GOLGA4: variants seen among roughly 807,000 people sequenced by gnomAD.
GOLGA4 encodes golgin A4.
Under a neutral mutation model 265.9 loss-of-function variants are expected in GOLGA4, and 169 were observed. The ratio of observed to expected loss-of-function variants is 0.64; its 90% confidence interval spans 0.56 to 0.72. GOLGA4 has a LOEUF of 0.72. GOLGA4 is among the 30% of genes least tolerant of loss of function. The pLI, the probability that GOLGA4 is intolerant of heterozygous loss-of-function variation, is 0.00. For synonymous variants in GOLGA4, 923 were observed against 855.8 expected (o/e 1.08, Z -1.37); for missense variants, 2,482 against 2,483.4 (o/e 1.00, Z 0.01).
chr3:37,280,310 T>C (rs1452430397), intron 2 of GOLGA4, among the ~76,000 whole-genome samples: 5 of 152,210 alleles, frequency 3.3e-5, no homozygotes, highest in African/African-American at 1.2e-4. Context: ...CAGACAACCA[T>C]AGATTGTATT....
intron 2 of GOLGA4, among the ~76,000 whole-genome samples, chr3:37,257,382 A>C (rs948215891): frequency 1.3e-5 from 2 of 152,124 alleles, no homozygotes; most frequent in Non-Finnish European, 2.9e-5. Flanking sequence ...GGATCAGCCC[A>C]AGTTTACATC....
At chr3:37,270,914 G>A (rs1489382085) in intron 2 of GOLGA4, among the ~76,000 whole-genome samples, 1 of 151,874 alleles carries the variant, frequency 6.6e-6, no homozygotes, top group African/African-American at 2.4e-5. Flanking sequence ...GAATCAGTGG[G>A]AGCCCTGAGC....
intron 17 of GOLGA4, among the ~76,000 whole-genome samples, 169 bp from the exon 18 acceptor site, chr3:37,336,974 A>G (rs1487943851): frequency 6.6e-6 from 1 of 152,198 alleles, no homozygotes; most frequent in Non-Finnish European, 1.5e-5. Context: ...ACAAAACAGA[A>G]CATTTGTTTA....
At position 37,321,827 on chromosome 3, in the gene GOLGA4, C is replaced by T; in HGVS notation, c.1642C>T (p.Leu548Phe). The change falls in exon 13 of 24, where the codon CTC becomes TTC. Residue 548 changes from leucine to phenylalanine, a missense_variant. Coordinates refer to ENST00000361924, the MANE Select transcript of GOLGA4 (RefSeq NM_002078.5). ...GTTAGAGTTGCAGAAAAAAGCAATC[C>T]TCACAGAAAGTGAAAATAAACTTCG... ...EELELQKKAI[L>F]TESENKLRDL... 6.2e-7 allele frequency: 1 copy of T among 1,613,038 alleles called. No individual in the cohort carries two copies. The highest frequency in any genetic ancestry group is 8.5e-7 in the Non-Finnish European group (1 of 1,179,448).
At chr3:37,343,556 AT>A (rs1204543018) in intron 20 of GOLGA4, among the ~76,000 whole-genome samples, 1 of 152,194 alleles carries the variant, frequency 6.6e-6, no homozygotes. Flanking sequence ...AACAGTGCCC[AT>A]ACATTGCATT....
At chr3:37,285,079 T>G (rs1314765566) in intron 3 of GOLGA4, among the ~76,000 whole-genome samples, 2 of 152,066 alleles carry the variant, frequency 1.3e-5, no homozygotes, top group African/African-American at 4.8e-5. Flanking sequence ...AACCTGCAGC[T>G]TATCTCTTTA....
intron 13 of GOLGA4, 72 bp downstream of exon 13, chr3:37,321,958 A>G: frequency 3.2e-6 from 4 of 1,265,104 alleles, no homozygotes; most frequent in South Asian, 2.9e-5. Flanking sequence ...GTCTCTAGTC[A>G]GTATAAAGTT....
intron 22 of GOLGA4, among the ~76,000 whole-genome samples, chr3:37,357,811 A>T (rs1472540894): frequency 6.6e-6 from 1 of 152,174 alleles, no homozygotes; most frequent in Non-Finnish European, 1.5e-5. Flanking sequence ...TATGAAAATG[A>T]TTTTTCTTTT....
At chr3:37,271,037 T>C (rs1397722527) in intron 2 of GOLGA4, among the ~76,000 whole-genome samples, 1 of 152,052 alleles carries the variant, frequency 6.6e-6, no homozygotes, top group Non-Finnish European at 1.5e-5. Flanking sequence ...ATATGCACAG[T>C]TCACAGCAGA....
rs2096815856 is a variant in GOLGA4 at position 37,275,790 on chromosome 3, A to G, written c.163-6168A>G. On this transcript the variant is annotated intron_variant, in intron 2 of 23. Coordinates refer to ENST00000361924, the MANE Select transcript of GOLGA4 (RefSeq NM_002078.5). ...TTGGATTTGCTAAAGGAGCTTAAGA[A>G]TATTCCTATGACCCTGGAATTACTG... The G allele has an allele frequency of 2.5e-6, 4 of 1,613,660 alleles. No individual in the cohort carries two copies. The East Asian group carries it at 6.7e-5, about 27-fold the overall frequency.
intron 2 of GOLGA4, chr3:37,275,883 C>T: frequency 6.2e-7 from 1 of 1,613,768 alleles, no homozygotes; most frequent in African/African-American, 1.3e-5. Context: ...GAAGTTACAT[C>T]TTTGGCAAAG....
chr3:37,340,475 TCA>T (rs2097029819), intron 20 of GOLGA4, among the ~76,000 whole-genome samples: 2 of 152,262 alleles, frequency 1.3e-5, no homozygotes, highest in African/African-American at 2.4e-5. Context: ...TCTACTCTTT[TCA>T]CAGTTTTCAA....
At chr3:37,273,676 A>G in intron 2 of GOLGA4, 1 of 767,576 alleles carries the variant, frequency 1.3e-6, no homozygotes, top group Non-Finnish European at 2.2e-6. Context: ...AATTATTAGC[A>G]TCTGACTTTA....
chr3:37,252,558 G>A (rs1016149685), intron 2 of GOLGA4, among the ~76,000 whole-genome samples: 17 of 152,186 alleles, frequency 1.1e-4, no homozygotes, highest in Non-Finnish European at 2.2e-4. Flanking sequence ...CAGAGTGGTT[G>A]TAGAAATTTA....
chr3:37,317,731 TA>T (rs2096941881), intron 11 of GOLGA4, among the ~76,000 whole-genome samples: 1 of 152,292 alleles, frequency 6.6e-6, no homozygotes, highest in African/African-American at 2.4e-5. Flanking sequence ...GTATGATAAA[TA>T]TTTTTTTCTA....
At chr3:37,260,438 A>T (rs1311467074) in intron 2 of GOLGA4, among the ~76,000 whole-genome samples, 1 of 152,134 alleles carries the variant, frequency 6.6e-6, no homozygotes, top group Admixed American at 6.5e-5. Flanking sequence ...CCTGGCCAAC[A>T]TGGTGAAACC....
intron 1 of GOLGA4, among the ~76,000 whole-genome samples, chr3:37,249,330 A>G (rs9881975): frequency 6.6e-6 from 1 of 152,184 alleles, no homozygotes; most frequent in Non-Finnish European, 1.5e-5. Context: ...TCTAAGTACA[A>G]TGTTGACTTT....
At chr3:37,308,805 C>T (rs998872166) in intron 10 of GOLGA4, among the ~76,000 whole-genome samples, 7 of 151,822 alleles carry the variant, frequency 4.6e-5, no homozygotes, top group Non-Finnish European at 8.8e-5. Context: ...TTAGTAGAGA[C>T]GGAGTTTCAC....
At chr3:37,340,101 G>A (rs756042759) in intron 19 of GOLGA4, 23 bp from the exon 20 acceptor site, 15 of 930,962 alleles carry the variant, frequency 1.6e-5, no homozygotes, top group Non-Finnish European at 2.6e-5. Flanking sequence ...ATCTTATATG[G>A]TCTGATTATT....
Sources: allele counts gnomAD v4.1 joint callset (sites outside exome capture counted in the v4.1 genomes callset), GRCh38; gene constraint gnomAD v4.1.1; transcripts MANE v1.5; gene names NCBI Gene and HGNC (gene_info 2026-07-23, HGNC 2026-07-21).